Variants in SHMT1 observed in about 807,000 individuals in gnomAD.
The protein encoded by SHMT1 is serine hydroxymethyltransferase, cytosolic.
Under a neutral mutation model 49.0 loss-of-function variants are expected in SHMT1, and 45 were observed. The observed-to-expected ratio is 0.92, with a 90% CI of 0.72 to 1.18. SHMT1 has a LOEUF of 1.18. SHMT1 is among the 50% of genes most tolerant of loss of function. The pLI, the probability that SHMT1 is intolerant of heterozygous loss-of-function variation, is 0.00. For missense variants in SHMT1, 541 were observed against 612.4 expected (o/e 0.88, Z 1.23); for synonymous variants, 232 against 246.6 (o/e 0.94, Z 0.55).
chr17:18,353,561 A>G, intron 3 of SHMT1, 111 bp downstream of exon 3: 2 of 1,125,668 alleles, frequency 1.8e-6, no homozygotes, highest in Non-Finnish European at 2.7e-6. Flanking sequence ...CAGAAATCCT[A>G]CAGCTGGGAA....
At position 18,354,183 on chromosome 17, in the gene SHMT1, C is replaced by T. The variant is rs989935609; in HGVS notation, c.97-366G>A. Among the ~76,000 whole-genome samples the T allele has an allele frequency of 3.9e-5, 6 of 152,112 alleles. No homozygotes were observed. The South Asian group carries it at 6.2e-4, about 16-fold the overall frequency. On this transcript the variant is annotated intron_variant, in intron 2 of 11. Coordinates refer to ENST00000316694, the MANE Select transcript of SHMT1 (RefSeq NM_004169.5). ...CTGTAATCCCAGCACTTTGGGAGGC[C>T]GAGATGGGCAGATCACCTGAGGTCG...
chr17:18,345,650 C>T (rs1985010726), intron 5 of SHMT1, among the ~76,000 whole-genome samples: 1 of 151,606 alleles, frequency 6.6e-6, no homozygotes, highest in South Asian at 2.1e-4. Flanking sequence ...GCTGGGATTA[C>T]AAGCGTGAGC....
chr17:18,361,740 C>T (rs942154014), intron 1 of SHMT1, among the ~76,000 whole-genome samples: 2 of 151,318 alleles, frequency 1.3e-5, no homozygotes, highest in Non-Finnish European at 2.9e-5. Flanking sequence ...GAGCCGAGAT[C>T]GCGCCACTGC....
chr17:18,338,029 G>A (rs1265993907), intron 7 of SHMT1, among the ~76,000 whole-genome samples: 4 of 151,268 alleles, frequency 2.6e-5, no homozygotes, highest in Non-Finnish European at 4.4e-5. Context: ...CTGCCTGGCC[G>A]CTCATCATCT....
intron 7 of SHMT1, among the ~76,000 whole-genome samples, chr17:18,336,739 G>A (rs1168320730): frequency 6.6e-6 from 1 of 152,070 alleles, no homozygotes; most frequent in Non-Finnish European, 1.5e-5. Flanking sequence ...GAACCCAGGA[G>A]TTCAAGACCA....
chr17:18,347,967 G>C (rs886534933), intron 4 of SHMT1, among the ~76,000 whole-genome samples: 5 of 151,338 alleles, frequency 3.3e-5, no homozygotes, highest in Non-Finnish European at 5.9e-5. Flanking sequence ...GCCCAGGCTG[G>C]AATGCAATGG....
chr17:18,340,492 G>GT lies in SHMT1; in HGVS notation c.602-238_602-237insA. ...AACTACTATTGCCAGCGCAGTCAGG[G>GT]CCTGACATTTCTAGATGCTTCTCTG... On this transcript the variant is annotated intron_variant, in intron 6 of 11. Coordinates refer to ENST00000316694, the MANE Select transcript of SHMT1 (RefSeq NM_004169.5). This position sits in a 1 kb window ranked among gnomAD's most constrained non-coding sequence, Gnocchi z 4.5. 1.5e-6 allele frequency: 1 copy of GT among 669,982 alleles called. No individual in the cohort carries two copies. The highest frequency in any genetic ancestry group is 2.7e-6 in the Non-Finnish European group (1 of 376,024). 41.5% of individuals were successfully genotyped at this position (669,982 alleles called of 1,614,324 possible).
intron 10 of SHMT1, among the ~76,000 whole-genome samples, chr17:18,329,901 G>A (rs889385895): frequency 7.2e-5 from 11 of 152,120 alleles, no homozygotes; most frequent in East Asian, 1.9e-4. Context: ...TCTCACTGTC[G>A]CCTAAGCTGG....
chr17:18,340,612 C>CA lies in SHMT1; in HGVS notation c.601+119dup, dbSNP rs770004282. Reference sequence around the variant, plus strand: ...CTAATATATGTAGACCCCAGAAACTCAGTTATCCAGGGCAGAAACTAGCAG... The same window carrying CA: ...CTAATATATGTAGACCCCAGAAACTCAAGTTATCCAGGGCAGAAACTAGCAG... On this transcript the variant is annotated intron_variant, in intron 6 of 11. Coordinates refer to ENST00000316694, the MANE Select transcript of SHMT1 (RefSeq NM_004169.5). This position sits in a 1 kb window ranked among gnomAD's most constrained non-coding sequence, Gnocchi z 4.5. The CA allele has an allele frequency of 8.5e-5, 74 of 874,052 alleles. No homozygotes were observed. The African/African-American group carries it at 1.1e-3, about 13-fold the overall frequency. The allele number at this position is 874,052 out of a possible 1,614,324, so 54.1% of individuals were successfully genotyped here. A position where few individuals can be genotyped will look rare whatever the true frequency, so the allele number is the denominator to read the frequency against.
At chr17:18,351,799 T>TGG (rs1474615162) in intron 3 of SHMT1, among the ~76,000 whole-genome samples, 1 of 151,694 alleles carries the variant, frequency 6.6e-6, no homozygotes, top group Non-Finnish European at 1.5e-5. Flanking sequence ...CCCTTTAACA[T>TGG]GAATAAACGA....
intron 8 of SHMT1, among the ~76,000 whole-genome samples, 167 bp downstream of exon 8, chr17:18,335,392 C>G (rs1983674390): frequency 6.6e-6 from 1 of 152,242 alleles, no homozygotes; most frequent in Admixed American, 6.5e-5. Context: ...CCTACTGTCC[C>G]TACCTTAGGC....
Position 18,353,519 on chromosome 17 carries a change from TAA to T in SHMT1, c.242+151_242+152del, listed in dbSNP as rs1436516889. The T allele has an allele frequency of 8.4e-6, 7 of 836,644 alleles. No homozygotes were observed. The East Asian group carries it at 9.7e-5, about 12-fold the overall frequency. 51.8% of individuals were successfully genotyped at this position (836,644 alleles called of 1,614,324 possible). On this transcript the variant is annotated intron_variant, in intron 3 of 11. Transcript: ENST00000316694. ...CTTCAGTGTTATCACATGCTGGGAA[TAA>T]AAGAGTTCTGTCAGAGAGCAGGCGT...
At position 18,343,978 on chromosome 17, in the gene SHMT1, C is replaced by T. The variant is rs567113478; in HGVS notation, c.520-3165G>A. Among the ~76,000 whole-genome samples the T allele has an allele frequency of 6.3e-4, 95 of 150,028 alleles. 1 individual carries two copies. Among genetic ancestry groups the T allele is most frequent in the African/African-American group, 2.1e-3 (84 of 40,694 alleles). On this transcript the variant is annotated intron_variant, in intron 5 of 11. Transcript: ENST00000316694. ...CACACATAACCAGCAGAGCATAGAG[C>T]GCACCACAGGAAAAACTGGGCTCTG...
chr17:18,347,604 G>A lies in SHMT1; in HGVS notation c.411C>T (p.Arg137=), dbSNP rs1985225148. The A allele has an allele frequency of 3.7e-6, 6 of 1,614,166 alleles. No individual in the cohort carries two copies. The highest frequency in any genetic ancestry group is 1.6e-4 in the Middle Eastern group (1 of 6,062). The change falls in exon 5 of 12, where the codon CGC becomes CGT. Residue 137 remains arginine, a synonymous_variant. Transcript: ENST00000316694. ...CATCCGGAAGGTCCAGGCCCATGAT[G>A]CGCCCATGGGGTTCCACCAGGGCAG... ...VYTALVEPHG[R]IMGLDLPDGG...
At chr17:18,355,661 C>T (rs912063983) in intron 2 of SHMT1, among the ~76,000 whole-genome samples, 6 of 152,164 alleles carry the variant, frequency 3.9e-5, no homozygotes, top group Admixed American at 6.6e-5. Context: ...CTCCCCTTCT[C>T]GCTTTTCTCC....
intron 5 of SHMT1, among the ~76,000 whole-genome samples, chr17:18,344,100 C>T (rs1160747913): frequency 6.6e-6 from 1 of 152,040 alleles, no homozygotes; most frequent in African/African-American, 2.4e-5. Context: ...TGGTGTCCCC[C>T]TCAGAAACTA....
Position 18,340,858 on chromosome 17 carries a change from A to C in SHMT1, c.520-45T>G. The C allele has an allele frequency of 7.1e-7, 1 of 1,410,002 alleles. No individual in the cohort carries two copies. The highest frequency in any genetic ancestry group is 9.9e-7 in the Non-Finnish European group (1 of 1,008,576). The allele number at this position is 1,410,002 out of a possible 1,614,324, so 87.3% of individuals were successfully genotyped here. On this transcript the variant is annotated intron_variant, in intron 5 of 11. Coordinates refer to ENST00000316694, the MANE Select transcript of SHMT1 (RefSeq NM_004169.5). This position sits in a 1 kb window ranked among gnomAD's most constrained non-coding sequence, Gnocchi z 4.5. ...CAGGTTCAGGCTGCTTCCTCCAACC[A>C]CACCTGCCTCCTGTCCTCCCACTTG... is the stretch of plus-strand genomic sequence containing the variant.
chr17:18,352,926 G>T (rs780065908), intron 3 of SHMT1, among the ~76,000 whole-genome samples: 2 of 151,982 alleles, frequency 1.3e-5, no homozygotes, highest in African/African-American at 4.8e-5. Context: ...GAGAAATAAA[G>T]AAAACACCTG....
At chr17:18,343,919 T>TAAA (rs35005892) in intron 5 of SHMT1, among the ~76,000 whole-genome samples, 3 of 106,890 alleles carry the variant, frequency 2.8e-5, no homozygotes, top group Non-Finnish European at 5.6e-5. Context: ...GATACTGTCT[T>TAAA]AAAAAAAAAA....
Sources: allele counts gnomAD v4.1 joint callset (sites outside exome capture counted in the v4.1 genomes callset), GRCh38; gene constraint gnomAD v4.1.1; non-coding constraint Gnocchi (gnomAD v3.1); transcripts MANE v1.5; gene names NCBI Gene and HGNC (gene_info 2026-07-23, HGNC 2026-07-21).